TIAM2: variants seen among roughly 807,000 people sequenced by gnomAD.
The protein encoded by TIAM2 is rho guanine nucleotide exchange factor TIAM2.
Under a neutral mutation model 152.9 loss-of-function variants are expected in TIAM2, and 80 were observed. That is an observed-to-expected ratio of 0.52 (90% CI 0.44 to 0.63). The LOEUF is 0.63. TIAM2 is among the 30% of genes least tolerant of loss of function. The pLI is 0.00. For synonymous variants in TIAM2, 804 were observed against 838.0 expected (o/e 0.96, Z 0.70); for missense variants, 1,965 against 2,120.1 (o/e 0.93, Z 1.44).
intron 14 of TIAM2, among the ~76,000 whole-genome samples, chr6:155,198,949 A>T (rs1430646901): frequency 6.6e-6 from 1 of 152,132 alleles, no homozygotes; most frequent in Non-Finnish European, 1.5e-5. Flanking sequence ...GAGTCCACGG[A>T]GCCTAGCTGC....
chr6:155,094,569 T>TTTTTTG (rs1778373064), intron 2 of TIAM2, among the ~76,000 whole-genome samples: 1 of 146,406 alleles, frequency 6.8e-6, no homozygotes, highest in African/African-American at 2.5e-5. Context: ...TTTTTTTTTT[T>TTTTTTG]GAGACAGGGT....
intron 2 of TIAM2, among the ~76,000 whole-genome samples, chr6:155,092,272 A>G (rs1778323595): frequency 6.6e-6 from 1 of 150,804 alleles, no homozygotes; most frequent in South Asian, 2.1e-4. Context: ...TAATTTTTTA[A>G]TAATTTGTAG....
intron 1 of TIAM2, among the ~76,000 whole-genome samples, chr6:155,035,124 G>C (rs1776897797): frequency 6.6e-6 from 1 of 152,084 alleles, no homozygotes; most frequent in South Asian, 2.1e-4. Flanking sequence ...TAGTTCGTTT[G>C]ATCCACGTAT....
intron 15 of TIAM2, among the ~76,000 whole-genome samples, chr6:155,227,488 G>A (rs560801014): frequency 4.6e-5 from 7 of 152,282 alleles, no homozygotes; most frequent in Admixed American, 2.0e-4. Context: ...ACCACGGATC[G>A]CGCCCAGCCC....
chr6:155,086,094 G>A (rs1451996503), intron 1 of TIAM2, among the ~76,000 whole-genome samples: 1 of 152,206 alleles, frequency 6.6e-6, no homozygotes, highest in Admixed American at 6.5e-5. Flanking sequence ...TTGCTGGATT[G>A]CAGTCCAGCT....
At chr6:155,180,969 C>G (rs1562344710) in intron 12 of TIAM2, among the ~76,000 whole-genome samples, 1 of 152,128 alleles carries the variant, frequency 6.6e-6, no homozygotes, top group Non-Finnish European at 1.5e-5. Context: ...TCCTCTTGGC[C>G]TTCACTGTGC....
chr6:155,247,547 C>A (rs1389749953), intron 19 of TIAM2, among the ~76,000 whole-genome samples: 1 of 152,140 alleles, frequency 6.6e-6, no homozygotes, highest in African/African-American at 2.4e-5. Flanking sequence ...AGGCTGGTCT[C>A]GAACTCGTGA....
At chr6:155,015,720 T>C (rs1778563200) in intron 1 of TIAM2, among the ~76,000 whole-genome samples, 1 of 152,028 alleles carries the variant, frequency 6.6e-6, no homozygotes, top group Non-Finnish European at 1.5e-5. Context: ...ATGGATCACT[T>C]GAGGTCAGGA....
intron 15 of TIAM2, chr6:155,216,993 A>G (rs1432770298): frequency 1.6e-6 from 2 of 1,261,418 alleles, no homozygotes; most frequent in East Asian, 5.8e-5. Flanking sequence ...GGGAGAGACA[A>G]CGTGTGTCTT....
intron 1 of TIAM2, among the ~76,000 whole-genome samples, chr6:155,016,020 C>CA (rs1358607614): frequency 2.1e-5 from 3 of 146,040 alleles, no homozygotes; most frequent in Non-Finnish European, 4.5e-5. Flanking sequence ...TCAAGACTGG[C>CA]AAAAATTTTA....
chr6:155,159,251 G>A (rs1294103459), intron 7 of TIAM2, among the ~76,000 whole-genome samples: 2 of 152,206 alleles, frequency 1.3e-5, no homozygotes, highest in African/African-American at 4.8e-5. Context: ...GAGTGTGGTA[G>A]TCTTACCTCC....
At chr6:155,001,799 C>G (rs1293170367) in intron 1 of TIAM2, among the ~76,000 whole-genome samples, 5 of 152,208 alleles carry the variant, frequency 3.3e-5, no homozygotes, top group Non-Finnish European at 5.9e-5. Context: ...GTTCCCATTA[C>G]TAAGTGATTT....
Position 155,214,315 on chromosome 6 carries a change from C to T in TIAM2, c.3168+3008C>T, listed in dbSNP as rs1204055621. Among the ~76,000 whole-genome samples, 2 of 152,236 alleles carry T rather than the reference C, an allele frequency of 1.3e-5. No homozygotes were observed. Among genetic ancestry groups the T allele is most frequent in the African/African-American group, 4.8e-5 (2 of 41,474 alleles). On this transcript the variant is annotated intron_variant, in intron 15 of 26. Coordinates refer to ENST00000682666, the MANE Select transcript of TIAM2 (RefSeq NM_012454.4). The surrounding 1 kb of genome is among the most constrained non-coding windows in gnomAD (Gnocchi z 5.4). ...ACCACCAGGAGCCAGGCACATGGCA[C>T]ATCCTTTGGAGGAACCATGTGGCAT...
Position 155,109,273 on chromosome 6 carries a change from TGCACCCG to T in TIAM2, c.-117-18214_-117-18208del, listed in dbSNP as rs72391851. On this transcript the variant is annotated intron_variant, in intron 2 of 26. Transcript: ENST00000682666. The stretch of plus-strand genomic sequence containing the variant: ...TGCTGGGATTACAGGTGTGAGCCAC[TGCACCCG>T]GCCTTCAGCTTTTAGATTTAGAAAA... Among the ~76,000 whole-genome samples the T allele has an allele frequency of 8.7e-3, 1,327 of 152,278 alleles. 9 individuals carry two copies. The highest frequency in any genetic ancestry group is 0.015 in the Non-Finnish European group (1,029 of 68,016).
chr6:155,062,923 G>A (rs538738345), intron 1 of TIAM2, among the ~76,000 whole-genome samples: 1 of 152,182 alleles, frequency 6.6e-6, no homozygotes, highest in Non-Finnish European at 1.5e-5. Context: ...ATGACATTGA[G>A]CACCTTTTCA....
intron 14 of TIAM2, among the ~76,000 whole-genome samples, chr6:155,198,666 C>CAAAAAAAAAAAAAAA (rs10626644): frequency 1.4e-4 from 10 of 70,316 alleles, no homozygotes; most frequent in East Asian, 6.0e-4. Context: ...GAGCAAATCT[C>CAAAAAAAAAAAAAAA]AAAAAAAAAA....
At chr6:155,219,029 C>T (rs1391838048) in intron 15 of TIAM2, among the ~76,000 whole-genome samples, 5 of 150,192 alleles carry the variant, frequency 3.3e-5, no homozygotes, top group Admixed American at 1.3e-4. Flanking sequence ...GCCGCCCACC[C>T]GTGTTCTTGA....
chr6:155,092,286 C>T (rs907056887), intron 2 of TIAM2, among the ~76,000 whole-genome samples: 1 of 151,672 alleles, frequency 6.6e-6, no homozygotes, highest in Admixed American at 6.6e-5. Flanking sequence ...TTTGTAGAGG[C>T]GAGGTCTTGC....
rs59818801 is a variant in TIAM2 at position 155,187,573 on chromosome 6, C to CTTTTTTTTTTTTTTTTTTTTTTTTT, written c.3064+4096_3064+4097insTTTTTTTTTTTTTTTTTTTTTTTTT. ...AACCCCCCCTCCCCCACCCCGCCCC[C>CTTTTTTTTTTTTTTTTTTTTTTTTT]TTTTTTTTTTTTTTTTTTTTTTTGA... On this transcript the variant is annotated intron_variant, in intron 14 of 26. Transcript: ENST00000682666. Among the ~76,000 whole-genome samples the CTTTTTTTTTTTTTTTTTTTTTTTTT allele has an allele frequency of 3.2e-4, 16 of 49,624 alleles. 1 individual carries two copies. Among genetic ancestry groups the CTTTTTTTTTTTTTTTTTTTTTTTTT allele is most frequent in the Non-Finnish European group, 5.2e-4 (14 of 27,082 alleles). 32.6% of individuals were successfully genotyped at this position (49,624 alleles called of 152,430 possible). A position where few individuals can be genotyped will look rare whatever the true frequency, so the allele number is the denominator to read the frequency against.
Sources: allele counts gnomAD v4.1 joint callset (sites outside exome capture counted in the v4.1 genomes callset), GRCh38; gene constraint gnomAD v4.1.1; non-coding constraint Gnocchi (gnomAD v3.1); transcripts MANE v1.5; gene names NCBI Gene and HGNC (gene_info 2026-07-23, HGNC 2026-07-21).